The following DPP10 variants were observed in gnomAD, a reference collection of about 807,000 sequenced individuals.
The protein encoded by DPP10 is dipeptidyl peptidase like 10.
DPP10 carries 33 observed loss-of-function variants against 120.9 expected under a neutral mutation model. The ratio of observed to expected loss-of-function variants is 0.27; its 90% CI spans 0.21 to 0.37. The LOEUF (loss-of-function observed/expected upper bound fraction) is 0.37. Ranked by LOEUF, DPP10 falls within the 10% of genes least tolerant of loss-of-function variation. DPP10 has a pLI of 1.00. For missense variants in DPP10, 816 were observed against 942.8 expected (o/e 0.87, Z 1.76); for synonymous variants, 337 against 326.1 (o/e 1.03, Z -0.36).
At chr2:114,987,889 C>T (rs1299542255) in intron 1 of DPP10, among the ~76,000 whole-genome samples, 7 of 148,558 alleles carry the variant, frequency 4.7e-5, no homozygotes, top group African/African-American at 1.7e-4. Flanking sequence ...CTGCAAGCTC[C>T]GCCTCCCGGG....
At chr2:115,785,342 G>C (rs1683210071) in intron 17 of DPP10, among the ~76,000 whole-genome samples, 2 of 152,166 alleles carry the variant, frequency 1.3e-5, no homozygotes, top group South Asian at 4.1e-4. Context: ...GAATCATGCT[G>C]ACCTCATAGA....
chr2:115,423,941 C>T (rs995931998), intron 3 of DPP10, among the ~76,000 whole-genome samples: 1 of 151,996 alleles, frequency 6.6e-6, no homozygotes, highest in Non-Finnish European at 1.5e-5. Flanking sequence ...ATGGTTATGC[C>T]AAACTCCTCA....
chr2:115,698,492 T>G (rs1338913451), intron 7 of DPP10, among the ~76,000 whole-genome samples: 1 of 152,200 alleles, frequency 6.6e-6, no homozygotes, highest in African/African-American at 2.4e-5. Context: ...TAGGAGGTAA[T>G]TAAGTTTGTA....
At chr2:114,963,723 A>G (rs531952148) in intron 1 of DPP10, among the ~76,000 whole-genome samples, 102 of 152,286 alleles carry the variant, frequency 6.7e-4, no homozygotes, top group African/African-American at 2.4e-3. Context: ...GGACTGACCC[A>G]AGGCTTGAAG....
chr2:114,669,676 T>C (rs1698188931), intron 1 of DPP10, among the ~76,000 whole-genome samples: 1 of 152,112 alleles, frequency 6.6e-6, no homozygotes, highest in African/African-American at 2.4e-5. Context: ...ACTAATATTA[T>C]TTAGTAATTT....
chr2:115,480,841 C>A (rs967534695), intron 3 of DPP10, among the ~76,000 whole-genome samples: 9 of 152,144 alleles, frequency 5.9e-5, no homozygotes, highest in Non-Finnish European at 8.8e-5. Flanking sequence ...GGAGAGACAT[C>A]TGTTCTCTCT....
Position 115,576,628 on chromosome 2 carries a change from A to G in DPP10, c.441+50656A>G, listed in dbSNP as rs117539655. On this transcript the variant is annotated intron_variant, in intron 5 of 25. Coordinates refer to ENST00000410059, the MANE Select transcript of DPP10 (RefSeq NM_020868.6). ...TAAATGTACAGATTGGAGGATTTGAAAACGGTTGAGATGGAGAGGCTTTCC... is the reference window on the plus strand; with the variant it reads ...TAAATGTACAGATTGGAGGATTTGAGAACGGTTGAGATGGAGAGGCTTTCC... 1.8e-3 allele frequency among the ~76,000 whole-genome samples: 273 copies of G among 152,328 alleles called. 10 individuals are homozygous for G. The East Asian group carries it at 0.049, about 28-fold the overall frequency.
intron 1 of DPP10, among the ~76,000 whole-genome samples, chr2:114,859,742 C>T (rs764732153): frequency 3.3e-5 from 5 of 152,126 alleles, no homozygotes; most frequent in Non-Finnish European, 7.4e-5. Context: ...TTTTTCCTCC[C>T]CAGTGATTGT....
intron 3 of DPP10, among the ~76,000 whole-genome samples, chr2:115,397,819 A>T (rs1394472084): frequency 6.6e-6 from 1 of 151,900 alleles, no homozygotes; most frequent in African/African-American, 2.4e-5. Flanking sequence ...TATTGTTCTG[A>T]CTTTGTGTTT....
intron 1 of DPP10, among the ~76,000 whole-genome samples, chr2:114,505,051 C>CAAAAAA (rs3061538): frequency 1.0e-3 from 45 of 44,868 alleles, no homozygotes; most frequent in East Asian, 2.0e-3. Context: ...GACTCTGTCT[C>CAAAAAA]AAAAAAAAAA....
rs1251632940 is a variant in DPP10 at position 115,067,882 on chromosome 2, A to T, written c.61-241357A>T. On this transcript the variant is annotated intron_variant, in intron 1 of 25. Coordinates refer to ENST00000410059, the MANE Select transcript of DPP10 (RefSeq NM_020868.6). ...GTCTCAAAAAAAAAAAAAAAAAAAGAAAAAAAAGAAAAATATTCCTGTGTG... is the reference window on the plus strand; with the variant it reads ...GTCTCAAAAAAAAAAAAAAAAAAAGTAAAAAAAGAAAAATATTCCTGTGTG... Among the ~76,000 whole-genome samples, 3 of 143,482 alleles carry T rather than the reference A, an allele frequency of 2.1e-5. No individual in the cohort carries two copies. In the South Asian group the frequency reaches 6.9e-4, roughly 33 times the overall value. The allele number at this position is 143,482 out of a possible 152,430, so 94.1% of individuals were successfully genotyped here.
At chr2:114,869,599 C>T (rs890366316) in intron 1 of DPP10, among the ~76,000 whole-genome samples, 5 of 152,258 alleles carry the variant, frequency 3.3e-5, no homozygotes, top group South Asian at 2.1e-4. Flanking sequence ...ACAGGAATCA[C>T]GGGGCTAAAG....
In DPP10 at chr2:115,327,270, C is replaced by T. The variant is rs139044555; in HGVS notation, c.176-16547C>T. 5.0e-4 allele frequency among the ~76,000 whole-genome samples: 76 copies of T among 152,056 alleles called. No individual in the cohort carries two copies. In the East Asian group the frequency reaches 9.1e-3, roughly 18 times the overall value. The stretch of plus-strand genomic sequence containing the variant: ...TCTGGGTTTGTGTAAGTACATTCTA[C>T]GATGTCTGCACAACCATGAAGTTGC... On this transcript the variant is annotated intron_variant, in intron 2 of 25. Coordinates refer to ENST00000410059, the MANE Select transcript of DPP10 (RefSeq NM_020868.6).
At chr2:115,784,243 T>C (rs995159001) in intron 17 of DPP10, among the ~76,000 whole-genome samples, 6 of 152,166 alleles carry the variant, frequency 3.9e-5, no homozygotes, top group African/African-American at 1.4e-4. Context: ...CAATGGCAAG[T>C]AAATCTTTGG....
intron 3 of DPP10, among the ~76,000 whole-genome samples, chr2:115,492,299 C>A (rs1575006283): frequency 6.6e-6 from 1 of 152,194 alleles, no homozygotes; most frequent in East Asian, 1.9e-4. Flanking sequence ...ACTCTTGTCA[C>A]AGAAAGTGAG....
At chr2:115,788,304 A>G (rs1165972161) in intron 17 of DPP10, among the ~76,000 whole-genome samples, 1 of 152,148 alleles carries the variant, frequency 6.6e-6, no homozygotes, top group East Asian at 1.9e-4. Context: ...TTGTATAAAA[A>G]GAAAAGGTTT....
At chr2:115,221,754 G>GTTTTTTTTTTTTTTTTTTTTTT (rs56077672) in intron 1 of DPP10, among the ~76,000 whole-genome samples, 8 of 120,150 alleles carry the variant, frequency 6.7e-5, no homozygotes, top group African/African-American at 1.6e-4. Flanking sequence ...GTTTGTTTCT[G>GTTTTTTTTTTTTTTTTTTTTTT]TTTTTTTTTT....
chr2:115,566,033 C>T (rs1236454540), intron 5 of DPP10, among the ~76,000 whole-genome samples: 1 of 151,802 alleles, frequency 6.6e-6, no homozygotes, highest in Non-Finnish European at 1.5e-5. Flanking sequence ...GCGATCAGCC[C>T]GCCTCGGCCT....
intron 1 of DPP10, among the ~76,000 whole-genome samples, chr2:115,247,574 A>G (rs1162755735): frequency 6.6e-6 from 1 of 152,162 alleles, no homozygotes; most frequent in Admixed American, 6.5e-5. Flanking sequence ...GGGTGTGAAC[A>G]TCACACAACT....
Sources: gnomAD v4.1 joint callset for allele counts (sites outside exome capture counted in the v4.1 genomes callset) on GRCh38, gnomAD v4.1.1 for gene constraint, MANE v1.5 for transcripts, NCBI Gene and HGNC (gene_info 2026-07-23, HGNC 2026-07-21) for gene names.